The following JARID2 variants were observed in gnomAD, a reference collection of about 807,000 sequenced individuals.
JARID2 encodes the protein protein Jumonji.
JARID2 carries 21 observed loss-of-function variants against 125.6 expected under a neutral mutation model. That is an observed-to-expected ratio of 0.17 (90% CI 0.12 to 0.24). The LOEUF is 0.24. JARID2 is among the 10% of genes least tolerant of loss of function. JARID2 has a pLI of 1.00. For missense variants in JARID2, 1,303 were observed against 1,639.6 expected (o/e 0.79, Z 3.55); for synonymous variants, 736 against 661.6 (o/e 1.11, Z -1.73).
At chr6:15,371,500 A>G (rs1434803411) in intron 1 of JARID2, among the ~76,000 whole-genome samples, 1 of 152,232 alleles carries the variant, frequency 6.6e-6, no homozygotes, top group Non-Finnish European at 1.5e-5. Context: ...TTTCAGCCTA[A>G]TAAGCATTAA....
chr6:15,366,590 G>A (rs1441596752), intron 1 of JARID2, among the ~76,000 whole-genome samples: 3 of 151,744 alleles, frequency 2.0e-5, no homozygotes. Context: ...TTAATAAAGA[G>A]GCTCTGTGTT....
At chr6:15,358,646 A>G (rs1763687786) in intron 1 of JARID2, among the ~76,000 whole-genome samples, 1 of 152,212 alleles carries the variant, frequency 6.6e-6, no homozygotes, top group Non-Finnish European at 1.5e-5. Flanking sequence ...GAGAATAGTG[A>G]ATTCTCATTT....
At chr6:15,412,937 C>G (rs1160551337) in intron 3 of JARID2, among the ~76,000 whole-genome samples, 2 of 146,904 alleles carry the variant, frequency 1.4e-5, no homozygotes, top group African/African-American at 5.0e-5. Context: ...GATTGTTAAA[C>G]AGATGCTGGT....
rs545774221 is a variant in JARID2, at chr6:15,301,849, C to T, written c.45+55265C>T. 4.2e-4 allele frequency among the ~76,000 whole-genome samples: 64 copies of T among 152,254 alleles called. 1 individual carries two copies. In the South Asian group the frequency reaches 6.4e-3, roughly 15 times the overall value. Reference sequence around the variant, plus strand: ...GAAATGCCTGGTATAGTGACTAAGACTGTAATAGGGAAAGAGAACTACTTT... The same window carrying T: ...GAAATGCCTGGTATAGTGACTAAGATTGTAATAGGGAAAGAGAACTACTTT... On this transcript the variant is annotated intron_variant, in intron 1 of 17. Coordinates refer to ENST00000341776, the MANE Select transcript of JARID2 (RefSeq NM_004973.4).
intron 1 of JARID2, among the ~76,000 whole-genome samples, chr6:15,341,164 G>C (rs1763058204): frequency 6.6e-6 from 1 of 152,160 alleles, no homozygotes; most frequent in Non-Finnish European, 1.5e-5. Context: ...GCAGTTTTGA[G>C]ATGTTTCCTA....
chr6:15,259,050 C>T (rs1759775881), intron 1 of JARID2, among the ~76,000 whole-genome samples: 1 of 152,112 alleles, frequency 6.6e-6, no homozygotes, highest in African/African-American at 2.4e-5. Flanking sequence ...CTCTTTACAC[C>T]CAGACATATT....
chr6:15,428,680 C>G (rs569087513), intron 3 of JARID2, among the ~76,000 whole-genome samples: 2 of 152,152 alleles, frequency 1.3e-5, no homozygotes, highest in African/African-American at 2.4e-5. Flanking sequence ...CCAAGACTGG[C>G]GAATCACCTG....
intron 4 of JARID2, 51 bp downstream of exon 4, chr6:15,452,226 C>G: frequency 6.2e-7 from 1 of 1,601,532 alleles, no homozygotes; most frequent in South Asian, 1.1e-5. Context: ...TACATGTAAG[C>G]CTGAGGTCTA....
At chr6:15,409,200 TCACAAAGA>T (rs1266715716) in intron 2 of JARID2, among the ~76,000 whole-genome samples, 1 of 152,148 alleles carries the variant, frequency 6.6e-6, no homozygotes, top group African/African-American at 2.4e-5. Flanking sequence ...GATACTTCAG[TCACAAAGA>T]CTTAATACAG....
chr6:15,501,043 G>T lies in JARID2; in HGVS notation c.2082G>T (p.Leu694=), dbSNP rs773924948. 215 of 1,614,156 alleles carry T rather than the reference G, an allele frequency of 1.3e-4. 2 individuals carry two copies. In the South Asian group the frequency reaches 2.2e-3, roughly 16 times the overall value. Residue 694 remains leucine (L), a synonymous_variant, in exon 8 of 18, where the codon CTG becomes CTT. Transcript: ENST00000341776. Reference sequence around the variant, plus strand: ...TCCCCAGAACTGCCCAGGACCGGCTGGCCAAGCTGCAGGAGGCCTACTGCC... The same window carrying T: ...TCCCCAGAACTGCCCAGGACCGGCTTGCCAAGCTGCAGGAGGCCTACTGCC... ...LRIPRTAQDR[L]AKLQEAYCQY... is the part of the protein sequence containing the mutation.
At chr6:15,455,192 CAAAAA>C (rs36088738) in intron 4 of JARID2, among the ~76,000 whole-genome samples, 1 of 128,700 alleles carries the variant, frequency 7.8e-6, no homozygotes, top group Non-Finnish European at 1.6e-5. Context: ...CACTTTGTCT[CAAAAA>C]AAAAAAAAAA....
intron 1 of JARID2, among the ~76,000 whole-genome samples, chr6:15,363,464 T>A (rs1192432191): frequency 6.6e-6 from 1 of 152,188 alleles, no homozygotes; most frequent in Non-Finnish European, 1.5e-5. Context: ...AATTCCAGAA[T>A]TGGAATCCAG....
chr6:15,349,824 A>G (rs1476571370), intron 1 of JARID2, among the ~76,000 whole-genome samples: 1 of 152,144 alleles, frequency 6.6e-6, no homozygotes, highest in African/African-American at 2.4e-5. Flanking sequence ...TTAATACATC[A>G]TCTCTTCTAG....
Position 15,246,385 on chromosome 6 carries a change from A to G in JARID2, c.-155A>G. 2 of 600,492 alleles carry G rather than the reference A, an allele frequency of 3.3e-6. No homozygotes were observed. Among genetic ancestry groups the G allele is most frequent in the Non-Finnish European group, 5.9e-6 (2 of 340,598 alleles). The allele number at this position is 600,492 out of a possible 1,614,324, so 37.2% of individuals were successfully genotyped here. A position where few individuals can be genotyped will look rare whatever the true frequency, so the allele number is the denominator to read the frequency against. The stretch of plus-strand genomic sequence containing the variant: ...CAATTTCGGATTTATTTCAAGGCGA[A>G]TCTGGCTTTGGGGGAAGAGGAAGAA... On this transcript the variant is annotated 5_prime_UTR_variant, in exon 1 of 18. Coordinates refer to ENST00000341776, the MANE Select transcript of JARID2 (RefSeq NM_004973.4).
At chr6:15,425,758 A>C (rs1766698736) in intron 3 of JARID2, among the ~76,000 whole-genome samples, 1 of 152,250 alleles carries the variant, frequency 6.6e-6, no homozygotes, top group Non-Finnish European at 1.5e-5. Flanking sequence ...ATTCTGTAAT[A>C]GAAGCCTCAA....
chr6:15,277,972 G>A (rs1446398490), intron 1 of JARID2, among the ~76,000 whole-genome samples: 1 of 152,210 alleles, frequency 6.6e-6, no homozygotes, highest in Non-Finnish European at 1.5e-5. Context: ...CTCTGGTTGG[G>A]CGCAGTGGTT....
chr6:15,347,005 A>G (rs563444163), intron 1 of JARID2, among the ~76,000 whole-genome samples: 320 of 152,244 alleles, frequency 2.1e-3, no homozygotes, highest in Middle Eastern at 6.8e-3. Context: ...AAGTGCCGGG[A>G]TTACAGGTGT....
intron 2 of JARID2, among the ~76,000 whole-genome samples, chr6:15,385,082 A>G (rs545557994): frequency 2.6e-4 from 40 of 152,320 alleles, no homozygotes; most frequent in Middle Eastern, 3.4e-3. Context: ...TGATTCTGGC[A>G]TATCTGCCTA....
intron 1 of JARID2, among the ~76,000 whole-genome samples, chr6:15,266,388 C>T (rs1475398722): frequency 6.6e-6 from 1 of 152,216 alleles, no homozygotes; most frequent in Non-Finnish European, 1.5e-5. Flanking sequence ...TTCTCTTTCT[C>T]TTTCTTACCT....
Sources: allele counts gnomAD v4.1 joint callset (sites outside exome capture counted in the v4.1 genomes callset), GRCh38; gene constraint gnomAD v4.1.1; transcripts MANE v1.5; gene names NCBI Gene and HGNC (gene_info 2026-07-23, HGNC 2026-07-21).